The following GALNT17 variants were observed in gnomAD, a reference collection of about 807,000 sequenced individuals.
GALNT17 encodes the protein UDP-GalNAc:polypeptide N-acetylgalactosaminyltransferase-like 3.
GALNT17 carries 29 observed loss-of-function variants against 63.7 expected under a neutral mutation model. The observed-to-expected ratio is 0.46, with a 90% CI of 0.34 to 0.62. The LOEUF (loss-of-function observed/expected upper bound fraction) is 0.62. GALNT17 is among the 20% of genes least tolerant of loss of function. The pLI is 0.01. For synonymous variants in GALNT17, 305 were observed against 318.3 expected, an observed-to-expected ratio of 0.96 and a Z score of 0.45; for missense variants, 603 against 799.6, an observed-to-expected ratio of 0.75 and a Z score of 2.97.
At chr7:71,542,688 T>G (rs1788913035) in intron 5 of GALNT17, among the ~76,000 whole-genome samples, 1 of 81,728 alleles carries the variant, frequency 1.2e-5, no homozygotes, top group South Asian at 4.1e-4. Flanking sequence ...AGAGTGAGAC[T>G]CCCTGTCAAA....
intron 5 of GALNT17, among the ~76,000 whole-genome samples, chr7:71,508,256 A>G (rs1441288544): frequency 2.0e-5 from 3 of 152,218 alleles, no homozygotes; most frequent in South Asian, 2.1e-4. Flanking sequence ...AGCGTGTGAC[A>G]TTGATCAGCA....
chr7:71,524,429 G>C, intron 5 of GALNT17, among the ~76,000 whole-genome samples: 1 of 151,710 alleles, frequency 6.6e-6, no homozygotes, highest in Non-Finnish European at 1.5e-5. Context: ...AGTTGGTTCT[G>C]ATGCTACTCA....
At chr7:71,271,899 A>G (rs1473031370) in intron 1 of GALNT17, among the ~76,000 whole-genome samples, 1 of 152,188 alleles carries the variant, frequency 6.6e-6, no homozygotes, top group East Asian at 1.9e-4. Flanking sequence ...AACTAGGACC[A>G]CAGATGGGTG....
chr7:71,140,898 A>G (rs761375899), intron 1 of GALNT17, among the ~76,000 whole-genome samples: 3 of 152,046 alleles, frequency 2.0e-5, no homozygotes, highest in Non-Finnish European at 4.4e-5. Context: ...GTGCATGCCC[A>G]TGGTCCCAGC....
rs1367793355 is a variant in GALNT17 at position 71,608,503 on chromosome 7, C to T, written c.1080+37101C>T. ...GTTACACAAATACAAGTAGTATCAA[C>T]ATAATGAAATTCTCAAGTACCATCA... On this transcript the variant is annotated intron_variant, in intron 6 of 10. Coordinates refer to ENST00000333538, the MANE Select transcript of GALNT17 (RefSeq NM_022479.3). 2.0e-5 allele frequency among the ~76,000 whole-genome samples: 3 copies of T among 152,146 alleles called. No homozygotes were observed. The East Asian group carries it at 5.8e-4, about 29-fold the overall frequency.
At chr7:71,482,757 A>G (rs764446116) in intron 5 of GALNT17, among the ~76,000 whole-genome samples, 2 of 152,148 alleles carry the variant, frequency 1.3e-5, no homozygotes, top group African/African-American at 2.4e-5. Context: ...TGTGAAAGTC[A>G]GTTTTTCCAG....
At chr7:71,377,951 C>A (rs1467495931) in intron 2 of GALNT17, among the ~76,000 whole-genome samples, 2 of 152,166 alleles carry the variant, frequency 1.3e-5, no homozygotes, top group Admixed American at 1.3e-4. Context: ...AAACCTCTTT[C>A]CTTTATAAAT....
In GALNT17 at chr7:71,486,388, T is replaced by C. The variant is rs533859662; in HGVS notation, c.962+65283T>C. ...ATAATAATAATAATAATAATAATAATAGTAAATAATATATTTCCTCCCTGG... is the reference window on the plus strand; with the variant it reads ...ATAATAATAATAATAATAATAATAACAGTAAATAATATATTTCCTCCCTGG... On this transcript the variant is annotated intron_variant, in intron 5 of 10. Transcript: ENST00000333538. Among the ~76,000 whole-genome samples, 208 of 139,286 alleles carry C rather than the reference T, an allele frequency of 1.5e-3. 1 individual carries two copies. The highest frequency in any genetic ancestry group is 5.0e-3 in the African/African-American group (187 of 37,532). 91.4% of individuals were successfully genotyped at this position (139,286 alleles called of 152,430 possible).
Position 71,681,135 on chromosome 7 carries a change from A to G in GALNT17, c.1500+3829A>G, listed in dbSNP as rs763491949. Among the ~76,000 whole-genome samples, 4 of 152,130 alleles carry G rather than the reference A, an allele frequency of 2.6e-5. No individual in the cohort carries two copies. In the South Asian group the frequency reaches 6.2e-4, roughly 24 times the overall value. On this transcript the variant is annotated intron_variant, in intron 9 of 10. Transcript: ENST00000333538. ...GGGCTTGTCTTGGACTCCTGGCCTC[A>G]AGGGATCCTCCCACCTTGGCCTCCC...
intron 2 of GALNT17, among the ~76,000 whole-genome samples, chr7:71,356,706 C>T (rs1335266280): frequency 2.6e-5 from 4 of 152,252 alleles, no homozygotes; most frequent in South Asian, 2.1e-4. Flanking sequence ...CAGTGGGCCC[C>T]GCCTCCAACT....
At chr7:71,593,279 T>G (rs1213662481) in intron 6 of GALNT17, among the ~76,000 whole-genome samples, 1 of 144,928 alleles carries the variant, frequency 6.9e-6, no homozygotes, top group Non-Finnish European at 1.5e-5. Flanking sequence ...TTTTTTTTTT[T>G]TTTTGAGACA....
intron 6 of GALNT17, among the ~76,000 whole-genome samples, chr7:71,660,698 C>T (rs947076135): frequency 2.6e-5 from 4 of 152,290 alleles, no homozygotes; most frequent in East Asian, 3.9e-4. Context: ...TCACTCCTTC[C>T]GGGAATACCC....
chr7:71,175,529 G>A (rs1400276288), intron 1 of GALNT17, among the ~76,000 whole-genome samples: 1 of 152,140 alleles, frequency 6.6e-6, no homozygotes. Flanking sequence ...GGGTCCCTCT[G>A]GGAGGAACAT....
chr7:71,513,520 T>C (rs1345428947), intron 5 of GALNT17, among the ~76,000 whole-genome samples: 1 of 151,910 alleles, frequency 6.6e-6, no homozygotes, highest in Non-Finnish European at 1.5e-5. Context: ...CGAGTAGCTG[T>C]GACTACAGGC....
Position 71,255,251 on chromosome 7 carries a change from G to A in GALNT17, c.239-80299G>A, listed in dbSNP as rs113473600. ...GGAGGTAACTGAATCATGCGGGTGG[G>A]TCTTTCTCGTGCTGTTCTCGTGATA... On this transcript the variant is annotated intron_variant, in intron 1 of 10. Coordinates refer to ENST00000333538, the MANE Select transcript of GALNT17 (RefSeq NM_022479.3). 4.3e-3 allele frequency among the ~76,000 whole-genome samples: 662 copies of A among 152,324 alleles called. 6 individuals are homozygous for A. Among genetic ancestry groups the A allele is most frequent in the African/African-American group, 0.015 (622 of 41,566 alleles).
chr7:71,516,325 C>T (rs903533753), intron 5 of GALNT17, among the ~76,000 whole-genome samples: 3 of 152,096 alleles, frequency 2.0e-5, no homozygotes, highest in South Asian at 4.1e-4. Context: ...TTTTCCTTTC[C>T]CGCTCAGAAT....
intron 1 of GALNT17, among the ~76,000 whole-genome samples, chr7:71,252,455 G>GC (rs1177113549): frequency 2.0e-5 from 3 of 152,172 alleles, no homozygotes; most frequent in Admixed American, 2.0e-4. Flanking sequence ...AACATGAGAG[G>GC]CGGAGGCTGC....
chr7:71,365,650 A>G (rs1415365463), intron 2 of GALNT17, among the ~76,000 whole-genome samples: 1 of 152,122 alleles, frequency 6.6e-6, no homozygotes, highest in Non-Finnish European at 1.5e-5. Flanking sequence ...CAAATTTAAT[A>G]GTTTTAATAG....
At chr7:71,661,156 G>A (rs1479518407) in intron 6 of GALNT17, among the ~76,000 whole-genome samples, 1 of 152,188 alleles carries the variant, frequency 6.6e-6, no homozygotes, top group Non-Finnish European at 1.5e-5. Flanking sequence ...GAGGGACAGG[G>A]CTGTGACTGA....
Sources: gnomAD v4.1 joint callset for allele counts (sites outside exome capture counted in the v4.1 genomes callset) on GRCh38, gnomAD v4.1.1 for gene constraint, MANE v1.5 for transcripts, NCBI Gene and HGNC (gene_info 2026-07-23, HGNC 2026-07-21) for gene names.